Variants in KIF13B observed in about 807,000 individuals in gnomAD.
KIF13B encodes kinesin family member 13B.
KIF13B carries 127 observed loss-of-function variants against 222.0 expected under a neutral mutation model. The observed-to-expected ratio is 0.57, with a 90% CI of 0.50 to 0.66. The LOEUF (loss-of-function observed/expected upper bound fraction) is 0.66. Ranked by LOEUF, KIF13B falls within the 30% of genes least tolerant of loss-of-function variation. The probability of loss-of-function intolerance (pLI) is 0.00; values close to 1 mark genes in which losing one functional copy is unlikely to be tolerated. For missense variants in KIF13B, 2,173 were observed against 2,379.0 expected (o/e 0.91, Z 1.80); for synonymous variants, 976 against 919.0 (o/e 1.06, Z -1.12).
At chr8:29,225,111 C>T (rs1188575382) in intron 2 of KIF13B, among the ~76,000 whole-genome samples, 1 of 152,156 alleles carries the variant, frequency 6.6e-6, no homozygotes, top group Admixed American at 6.6e-5. Flanking sequence ...AGATATGTCA[C>T]AAGGTCTTTG....
At chr8:29,141,895 C>T (rs1475473377) in intron 19 of KIF13B, among the ~76,000 whole-genome samples, 2 of 152,062 alleles carry the variant, frequency 1.3e-5, no homozygotes, top group African/African-American at 4.8e-5. Flanking sequence ...CACCCGCACA[C>T]CAACAGAAGT....
chr8:29,165,891 GT>G, intron 11 of KIF13B, 119 bp from the exon 12 acceptor site: 1 of 112,610 alleles, frequency 8.9e-6, no homozygotes, highest in South Asian at 1.2e-4. Context: ...TCACGCTGAG[GT>G]CTGACATCTA....
At chr8:29,156,604 CT>C (rs1320606131) in intron 13 of KIF13B, among the ~76,000 whole-genome samples, 1 of 151,946 alleles carries the variant, frequency 6.6e-6, no homozygotes, top group African/African-American at 2.4e-5. Context: ...ACCTCACCTT[CT>C]TGGGCTCAAG....
rs373270029 is a variant in KIF13B, at chr8:29,092,733, G to C, written c.4458+12C>G. ...GAAAAACGTTCACAGCTGTTTTCTC[G>C]GTGCTTTTTACCTGGTGTGCGAGGG... On this transcript the variant is annotated intron_variant, in intron 37 of 39. Coordinates refer to ENST00000524189, the MANE Select transcript of KIF13B (RefSeq NM_015254.4). 2.5e-6 allele frequency: 4 copies of C among 1,601,906 alleles called. No homozygotes were observed. In the South Asian group the frequency reaches 4.5e-5, roughly 18 times the overall value.
At chr8:29,107,441 T>A (rs910502980) in intron 35 of KIF13B, among the ~76,000 whole-genome samples, 2 of 151,902 alleles carry the variant, frequency 1.3e-5, no homozygotes, top group Non-Finnish European at 2.9e-5. Context: ...GGCAGGAGAA[T>A]CGCTTGAACC....
intron 21 of KIF13B, among the ~76,000 whole-genome samples, chr8:29,136,174 T>C (rs1197902772): frequency 6.6e-6 from 1 of 152,220 alleles, no homozygotes; most frequent in African/African-American, 2.4e-5. Context: ...ACAAAGTTTT[T>C]AAAAACCATC....
At position 29,148,742 on chromosome 8, in the gene KIF13B, T is replaced by C; in HGVS notation, c.1648A>G (p.Lys550Glu). 1 of 1,597,614 alleles carries C rather than the reference T, an allele frequency of 6.3e-7. No individual in the cohort carries two copies. Among genetic ancestry groups the C allele is most frequent in the South Asian group, 1.2e-5 (1 of 86,926 alleles). The change falls in exon 16 of 40, where the codon AAA becomes GAA. Residue 550 changes from lysine (K) to glutamate (E), a missense_variant. Lys to Glu is a moderately conservative substitution (Grantham distance 56). Coordinates refer to ENST00000524189, the MANE Select transcript of KIF13B (RefSeq NM_015254.4). ...FRLNLPKKKK[K>E]AEREDEDQDP... ...TGGTCCTCATCCTCTCGTTCTGCTT[T>C]CTTTTTCTTTTTAGGCAAATTGAGT...
chr8:29,109,520 C>T lies in KIF13B; in HGVS notation c.4084-9G>A, dbSNP rs1473557739. On this transcript the variant is annotated splice_polypyrimidine_tract_variant and intron_variant, in intron 33 of 39. Coordinates refer to ENST00000524189, the MANE Select transcript of KIF13B (RefSeq NM_015254.4). The stretch of plus-strand genomic sequence containing the variant: ...TCCTTCACTGCAACTTCCTGTGAAT[C>T]AGAAAACATACAGAGGAAAAAGACA... 2 of 1,611,314 alleles carry T rather than the reference C, an allele frequency of 1.2e-6. No individual in the cohort carries two copies. The highest frequency in any genetic ancestry group is 2.7e-5 in the African/African-American group (2 of 74,892).
rs1305565617 is a variant in KIF13B, at chr8:29,071,886, A to G, written c.4952T>C (p.Val1651Ala). 6.6e-7 allele frequency: 1 copy of G among 1,518,308 alleles called. No individual in the cohort carries two copies. Among genetic ancestry groups the G allele is most frequent in the African/African-American group, 1.4e-5 (1 of 70,880 alleles). 94.1% of individuals were successfully genotyped at this position (1,518,308 alleles called of 1,614,324 possible). The change falls in exon 39 of 40, where the codon GTG becomes GCG. Residue 1651 changes from valine (V) to alanine (A), a missense_variant. Transcript: ENST00000524189. This position sits in a 1 kb window ranked among gnomAD's most constrained non-coding sequence, Gnocchi z 4.9. ...GAAGGAGCGCAACTCCGAGGCCCGC[A>G]CCCTCCGGACGCGGAACGGGGAGCC... ...APGSPFRVRR[V>A]RASELRSFSR...
At chr8:29,234,656 A>G (rs1269156999) in intron 2 of KIF13B, among the ~76,000 whole-genome samples, 4 of 147,230 alleles carry the variant, frequency 2.7e-5, no homozygotes, top group Admixed American at 7.0e-5. Context: ...TAAATGATTA[A>G]TTTTCTTGTG....
rs1807344007 is a variant in KIF13B, at chr8:29,072,441, T to G, written c.4522-125A>C. 1.1e-5 allele frequency: 6 copies of G among 522,988 alleles called. No individual in the cohort carries two copies. The East Asian group carries it at 2.1e-4, about 18-fold the overall frequency. 32.4% of individuals were successfully genotyped at this position (522,988 alleles called of 1,614,324 possible). ...GTGGCTCAGCCTGTAACCCCAGTGCTTATGGAGGGCAAGACGGAAGATCGC... is the reference window on the plus strand; with the variant it reads ...GTGGCTCAGCCTGTAACCCCAGTGCGTATGGAGGGCAAGACGGAAGATCGC... On this transcript the variant is annotated intron_variant, in intron 38 of 39. Transcript: ENST00000524189.
chr8:29,187,102 T>C (rs903450290), intron 5 of KIF13B, among the ~76,000 whole-genome samples: 1 of 152,200 alleles, frequency 6.6e-6, no homozygotes, highest in African/African-American at 2.4e-5. Context: ...TAATTAATAC[T>C]ATAGTGCCTG....
rs78056327 is a variant in KIF13B at position 29,077,424 on chromosome 8, G to A, written c.4459-2081C>T. On this transcript the variant is annotated intron_variant, in intron 37 of 39. Coordinates refer to ENST00000524189, the MANE Select transcript of KIF13B (RefSeq NM_015254.4). Reference sequence around the variant, plus strand: ...TATAGTATTTAACGTCCCCACAAATGGGAAGGTGTTCAAGGGTATATTTCA... The same window carrying A: ...TATAGTATTTAACGTCCCCACAAATAGGAAGGTGTTCAAGGGTATATTTCA... Among the ~76,000 whole-genome samples the A allele has an allele frequency of 6.3e-3, 959 of 152,348 alleles. 13 individuals carry two copies. The highest frequency in any genetic ancestry group is 0.053 in the East Asian group (275 of 5,190).
At chr8:29,140,805 C>T (rs369892411) in intron 19 of KIF13B, 188 bp from the exon 20 acceptor site, 1 of 509,424 alleles carries the variant, frequency 2.0e-6, no homozygotes. Flanking sequence ...CATACACACT[C>T]TTCCTCATTC....
At chr8:29,094,272 CG>C (rs1808424049) in intron 36 of KIF13B, among the ~76,000 whole-genome samples, 1 of 152,098 alleles carries the variant, frequency 6.6e-6, no homozygotes, top group South Asian at 2.1e-4. Flanking sequence ...AACAGTCTCA[CG>C]GGAACACAAC....
intron 6 of KIF13B, among the ~76,000 whole-genome samples, chr8:29,184,651 C>G (rs1400061822): frequency 1.3e-5 from 2 of 152,118 alleles, no homozygotes; most frequent in African/African-American, 4.8e-5. Context: ...AATTACTAAC[C>G]TATACCCAAG....
chr8:29,080,340 A>AAC (rs1020363212), intron 37 of KIF13B, among the ~76,000 whole-genome samples: 7 of 151,452 alleles, frequency 4.6e-5, no homozygotes, highest in Non-Finnish European at 8.8e-5. Context: ...AAAAAAAAAA[A>AAC]AAAAAAAAAC....
chr8:29,105,130 C>T (rs1432763028), intron 35 of KIF13B, among the ~76,000 whole-genome samples: 2 of 152,028 alleles, frequency 1.3e-5, no homozygotes, highest in Non-Finnish European at 2.9e-5. Flanking sequence ...TATTGCCTCG[C>T]TAATTTTTTA....
intron 13 of KIF13B, among the ~76,000 whole-genome samples, chr8:29,157,790 C>T (rs1273726271): frequency 6.7e-6 from 1 of 150,058 alleles, no homozygotes; most frequent in Non-Finnish European, 1.5e-5. Context: ...ATAATCGTAC[C>T]ACTGCACTCT....
Sources: allele counts gnomAD v4.1 joint callset (sites outside exome capture counted in the v4.1 genomes callset), GRCh38; gene constraint gnomAD v4.1.1; non-coding constraint Gnocchi (gnomAD v3.1); transcripts MANE v1.5; gene names NCBI Gene and HGNC (gene_info 2026-07-23, HGNC 2026-07-21).